The following LEF1 variants were observed in gnomAD, a reference collection of about 807,000 sequenced individuals.
LEF1 encodes lymphoid enhancer binding factor 1, also known as lymphoid enhancer-binding factor 1.
LEF1 carries 14 observed loss-of-function variants against 51.2 expected under a neutral mutation model. That is an observed-to-expected ratio of 0.27 (90% confidence interval 0.18 to 0.43). The LOEUF (loss-of-function observed/expected upper bound fraction) is 0.43, where lower values mean the gene tolerates loss of function less well. Ranked by LOEUF, LEF1 falls within the 20% of genes least tolerant of loss-of-function variation. The pLI is 1.00. For synonymous variants in LEF1, 185 were observed against 183.2 expected (o/e 1.01, Z -0.08); for missense variants, 386 against 512.0 (o/e 0.75, Z 2.37).
chr4:108,162,756 C>T lies in LEF1; in HGVS notation c.414+812G>A, dbSNP rs1167770818. On this transcript the variant is annotated intron_variant, in intron 3 of 11. Transcript: ENST00000265165. ...ATTGATGGGTCAGTAAAAAGTCCGTCACCAACGCTGGTGGGCTAATTCTAA... is the reference window on the plus strand; with the variant it reads ...ATTGATGGGTCAGTAAAAAGTCCGTTACCAACGCTGGTGGGCTAATTCTAA... Among the ~76,000 whole-genome samples, 13 of 152,242 alleles carry T rather than the reference C, an allele frequency of 8.5e-5. 1 individual carries two copies. The highest frequency in any genetic ancestry group is 7.8e-4 in the Admixed American group (12 of 15,294).
intron 11 of LEF1, among the ~76,000 whole-genome samples, chr4:108,051,250 G>T (rs142286975): frequency 0.016 from 2,370 of 151,958 alleles, 34 homozygotes; most frequent in African/African-American, 0.033. Context: ...CCCTTTCAGG[G>T]ACTAGTGCTT....
rs35000095 is a variant in LEF1, at chr4:108,167,351, T to TACACACACAC, written c.213+194_213+203dup. Among the ~76,000 whole-genome samples the TACACACACAC allele has an allele frequency of 2.3e-3, 298 of 131,758 alleles. 2 individuals are homozygous for TACACACACAC. The highest frequency in any genetic ancestry group is 7.4e-3 in the Middle Eastern group (2 of 272). 86.4% of individuals were successfully genotyped at this position (131,758 alleles called of 152,430 possible). ...TACCCTGCCCCTCTACCTCCCATCCTACACACACACACACACACACACACA... is the reference window on the plus strand; with the variant it reads ...TACCCTGCCCCTCTACCTCCCATCCTACACACACACACACACACACACACACACACACACA... On this transcript the variant is annotated intron_variant, in intron 1 of 11. Transcript: ENST00000265165. The surrounding 1 kb of genome is among the most constrained non-coding windows in gnomAD (Gnocchi z 5.7).
At chr4:108,157,533 T>A (rs1316228889) in intron 3 of LEF1, among the ~76,000 whole-genome samples, 1 of 152,152 alleles carries the variant, frequency 6.6e-6, no homozygotes, top group Non-Finnish European at 1.5e-5. Flanking sequence ...AAAACTGTCA[T>A]CAAGTTCCAC....
chr4:108,061,480 A>G (rs1235822508), intron 11 of LEF1, among the ~76,000 whole-genome samples: 2 of 152,216 alleles, frequency 1.3e-5, no homozygotes, highest in African/African-American at 4.8e-5. Flanking sequence ...GCTTTTTAAT[A>G]TAAATAGTTA....
At chr4:108,090,029 G>A (rs1211288624) in intron 3 of LEF1, among the ~76,000 whole-genome samples, 1 of 151,968 alleles carries the variant, frequency 6.6e-6, no homozygotes, top group Non-Finnish European at 1.5e-5. Flanking sequence ...CGCCCAGGCT[G>A]GAGTGCAGTG....
At chr4:108,155,402 A>G (rs1249409704) in intron 3 of LEF1, among the ~76,000 whole-genome samples, 1 of 152,238 alleles carries the variant, frequency 6.6e-6, no homozygotes, top group Non-Finnish European at 1.5e-5. Context: ...TCAGATCTGT[A>G]AAAATACGAT....
chr4:108,048,017 C>T lies in LEF1; in HGVS notation c.*741G>A, dbSNP rs1263328731. ...CGGAGAAGCCACTATGTGTTACAGG[C>T]AATTCACAGAGAAGCCACTTACCAG... On this transcript the variant is annotated 3_prime_UTR_variant, in exon 12 of 12. Coordinates refer to ENST00000265165, the MANE Select transcript of LEF1 (RefSeq NM_016269.5). 4 of 152,572 alleles carry T rather than the reference C, an allele frequency of 2.6e-5. No individual in the cohort carries two copies. Among genetic ancestry groups the T allele is most frequent in the Non-Finnish European group, 5.9e-5 (4 of 68,040 alleles). 9.5% of individuals were successfully genotyped at this position (152,572 alleles called of 1,614,324 possible). A position where few individuals can be genotyped will look rare whatever the true frequency, so the allele number is the denominator to read the frequency against.
At position 108,165,122 on chromosome 4, in the gene LEF1, G is replaced by T; in HGVS notation, c.255C>A (p.Asp85Glu). Residue 85 changes from aspartate to glutamate, a missense_variant, in exon 2 of 12, where the codon GAC (aspartate) becomes GAA (glutamate). Around this residue, in one of 2 missense-constraint regions of LEF1, gnomAD observed 335 missense variants for 390.7 expected, o/e 0.86. Coordinates refer to ENST00000265165, the MANE Select transcript of LEF1 (RefSeq NM_016269.5). Reference sequence around the variant, plus strand: ...CGTCATCGGGGTGTTCTCTGGCCTTGTCGTGGTAGGGCTCCTGAGAGGTTT... The same window carrying T: ...CGTCATCGGGGTGTTCTCTGGCCTTTTCGTGGTAGGGCTCCTGAGAGGTTT... ...QAQTSQEPYHDKAREHPDDGK... is the reference protein window; with the variant it reads ...QAQTSQEPYHEKAREHPDDGK... 1 of 1,614,132 alleles carries T rather than the reference G, an allele frequency of 6.2e-7. No individual in the cohort carries two copies. The highest frequency in any genetic ancestry group is 8.5e-7 in the Non-Finnish European group (1 of 1,180,018).
At chr4:108,149,812 G>A (rs1744255933) in intron 3 of LEF1, among the ~76,000 whole-genome samples, 1 of 151,702 alleles carries the variant, frequency 6.6e-6, no homozygotes, top group Non-Finnish European at 1.5e-5. Flanking sequence ...TGTATTACAG[G>A]TATAGATACA....
intron 1 of LEF1, chr4:108,166,617 A>G: frequency 9.3e-7 from 1 of 1,070,728 alleles, no homozygotes; most frequent in Non-Finnish European, 1.1e-6. Context: ...CGCTTTCTCT[A>G]GCCAGCACCC....
At chr4:108,123,977 T>C (rs1239650233) in intron 3 of LEF1, among the ~76,000 whole-genome samples, 2 of 151,858 alleles carry the variant, frequency 1.3e-5, no homozygotes, top group African/African-American at 4.8e-5. Flanking sequence ...CCCCCATCTC[T>C]ACAAAAAAAT....
chr4:108,097,652 T>C (rs952104463), intron 3 of LEF1, among the ~76,000 whole-genome samples: 15 of 152,140 alleles, frequency 9.9e-5, no homozygotes, highest in African/African-American at 3.1e-4. Context: ...TGGACATGAT[T>C]ACTACACCTT....
chr4:108,048,788 T>G, intron 11 of LEF1, 37 bp from the exon 12 acceptor site: 2 of 1,484,608 alleles, frequency 1.3e-6, no homozygotes, highest in African/African-American at 1.4e-5. Flanking sequence ...TTAATATGAA[T>G]TTGCCGTAGG....
In LEF1 at chr4:108,065,942, GC is replaced by G. The variant is rs542790790; in HGVS notation, c.1117-1559del. Among the ~76,000 whole-genome samples the G allele has an allele frequency of 1.5e-3, 232 of 152,192 alleles. 1 individual carries two copies. The highest frequency in any genetic ancestry group is 2.4e-3 in the Non-Finnish European group (164 of 68,020). Reference sequence around the variant, plus strand: ...TTTTATTTGAGACGGAGTCTTTGTTGCCCAGGCTGGAGTGCAGTGGCGTGAT... The same window carrying G: ...TTTTATTTGAGACGGAGTCTTTGTTGCCAGGCTGGAGTGCAGTGGCGTGAT... On this transcript the variant is annotated intron_variant, in intron 9 of 11. Coordinates refer to ENST00000265165, the MANE Select transcript of LEF1 (RefSeq NM_016269.5).
intron 3 of LEF1, among the ~76,000 whole-genome samples, chr4:108,112,446 G>A (rs964728378): frequency 6.6e-6 from 1 of 152,198 alleles, no homozygotes; most frequent in Non-Finnish European, 1.5e-5. Flanking sequence ...ACCCACCCAT[G>A]GGCACACAGC....
intron 9 of LEF1, among the ~76,000 whole-genome samples, chr4:108,066,724 C>A (rs1240522693): frequency 1.3e-5 from 2 of 152,050 alleles, no homozygotes; most frequent in Admixed American, 6.6e-5. Flanking sequence ...TATACAAAAA[C>A]CAAAATTCAT....
At chr4:108,068,895 T>C (rs2126272734) in intron 9 of LEF1, among the ~76,000 whole-genome samples, 1 of 152,298 alleles carries the variant, frequency 6.6e-6, no homozygotes, top group East Asian at 1.9e-4. Flanking sequence ...ATAATTTCAC[T>C]TTTATTAAGA....
intron 3 of LEF1, among the ~76,000 whole-genome samples, chr4:108,152,912 T>TA (rs1744441810): frequency 6.6e-6 from 1 of 152,202 alleles, no homozygotes; most frequent in African/African-American, 2.4e-5. Flanking sequence ...CATCTAGGTA[T>TA]ATGGACTCCA....
intron 3 of LEF1, among the ~76,000 whole-genome samples, chr4:108,101,900 A>G (rs1740848968): frequency 6.6e-6 from 1 of 152,130 alleles, no homozygotes; most frequent in African/African-American, 2.4e-5. Context: ...ATCTCTGCTA[A>G]AAAGACAAAA....
Sources: gnomAD v4.1 joint callset for allele counts (sites outside exome capture counted in the v4.1 genomes callset) on GRCh38, gnomAD v4.1.1 for gene constraint, gnomAD v4.1.1 regional missense constraint, Gnocchi (gnomAD v3.1) non-coding constraint, MANE v1.5 for transcripts, NCBI Gene and HGNC (gene_info 2026-07-23, HGNC 2026-07-21) for gene names.